The following RIN3 variants were observed in gnomAD, a reference collection of about 807,000 sequenced individuals.
RIN3 encodes the protein RAB5 interacting protein 3.
RIN3 carries 54 observed loss-of-function variants against 76.3 expected under a neutral mutation model. The ratio of observed to expected loss-of-function variants is 0.71; its 90% CI spans 0.57 to 0.89. RIN3 has a LOEUF of 0.89. Ranked by LOEUF, RIN3 falls within the 40% of genes least tolerant of loss-of-function variation. The pLI is 0.00. For synonymous variants in RIN3, 576 were observed against 564.0 expected (o/e 1.02, Z -0.30); for missense variants, 1,256 against 1,322.1 (o/e 0.95, Z 0.78).
Position 92,652,568 on chromosome 14 carries a change from C to A in RIN3, c.1519C>A (p.Gln507Lys). The A allele has an allele frequency of 6.2e-7, 1 of 1,612,830 alleles. No individual in the cohort carries two copies. The highest frequency in any genetic ancestry group is 8.5e-7 in the Non-Finnish European group (1 of 1,179,892). Residue 507 changes from glutamine to lysine, a missense_variant, in exon 6 of 10, where the codon CAG becomes AAG. This residue lies in a region of RIN3 where 428 missense variants were observed against 521.2 expected (regional missense o/e 0.82). Coordinates refer to ENST00000216487, the MANE Select transcript of RIN3 (RefSeq NM_024832.5). This position sits in a 1 kb window ranked among gnomAD's most constrained non-coding sequence, Gnocchi z 6.4. ...CAGAGAGGGCCAAAGCCCTGCTTCT[C>A]AGGCTGGGACTCAGCACCCTCCTGC... ...PPREGQSPAS[Q>K]AGTQHPPAQA...
intron 1 of RIN3, among the ~76,000 whole-genome samples, chr14:92,540,013 G>A (rs1314009054): frequency 1.3e-5 from 2 of 152,226 alleles, no homozygotes; most frequent in Admixed American, 6.5e-5. Context: ...GGCAGGTGGA[G>A]CCCAGTAGGG....
At chr14:92,607,549 C>G (rs1885571245) in intron 3 of RIN3, among the ~76,000 whole-genome samples, 1 of 152,168 alleles carries the variant, frequency 6.6e-6, no homozygotes, top group South Asian at 2.1e-4. Flanking sequence ...GTTGAGGTTG[C>G]AGTGAGCCGT....
intron 4 of RIN3, among the ~76,000 whole-genome samples, chr14:92,628,028 T>A (rs1045546218): frequency 6.6e-6 from 1 of 152,104 alleles, no homozygotes; most frequent in Non-Finnish European, 1.5e-5. Flanking sequence ...GACCACACAA[T>A]CTAGGCTAAT....
chr14:92,530,420 A>G (rs1388766725), intron 1 of RIN3, among the ~76,000 whole-genome samples: 1 of 152,228 alleles, frequency 6.6e-6, no homozygotes, highest in Non-Finnish European at 1.5e-5. Context: ...GCAAATAAAA[A>G]GCAGGGATTT....
intron 7 of RIN3, among the ~76,000 whole-genome samples, chr14:92,667,561 C>T (rs1449897771): frequency 6.6e-6 from 1 of 152,016 alleles, no homozygotes; most frequent in Non-Finnish European, 1.5e-5. Flanking sequence ...CAAAGTCGCT[C>T]ATGTTTATTG....
At chr14:92,664,168 C>T (rs1326969930) in intron 7 of RIN3, among the ~76,000 whole-genome samples, 3 of 152,114 alleles carry the variant, frequency 2.0e-5, no homozygotes, top group Admixed American at 6.5e-5. Flanking sequence ...CCCCAGACAA[C>T]GCTGCTTGTA....
chr14:92,634,817 C>A (rs1886717097), intron 4 of RIN3, among the ~76,000 whole-genome samples: 1 of 150,322 alleles, frequency 6.7e-6, no homozygotes, highest in South Asian at 2.1e-4. Context: ...GAGATCACAC[C>A]ACTGCACTCC....
intron 3 of RIN3, among the ~76,000 whole-genome samples, chr14:92,592,859 A>G (rs1419735832): frequency 6.6e-6 from 1 of 151,802 alleles, no homozygotes; most frequent in East Asian, 1.9e-4. Flanking sequence ...GTGTTTTTAG[A>G]GATGGGGTTT....
At chr14:92,572,391 C>T (rs373293946) in intron 2 of RIN3, among the ~76,000 whole-genome samples, 1 of 152,240 alleles carries the variant, frequency 6.6e-6, no homozygotes, top group Non-Finnish European at 1.5e-5. Context: ...CTTGAGCCCA[C>T]GGGCACAGTT....
At chr14:92,577,511 C>A in intron 3 of RIN3, 34 bp downstream of exon 3, 1 of 1,362,542 alleles carries the variant, frequency 7.3e-7, no homozygotes, top group Non-Finnish European at 1.0e-6. Context: ...TCACTTTGAC[C>A]ACGCGGCAGC....
At chr14:92,553,289 C>T (rs186667309) in intron 1 of RIN3, among the ~76,000 whole-genome samples, 22 of 152,266 alleles carry the variant, frequency 1.4e-4, no homozygotes, top group South Asian at 8.3e-4. Context: ...ATGATTATAG[C>T]GTCTTTTGGT....
rs773207850 is a variant in RIN3, at chr14:92,688,280, C to T, written c.*28C>T. 28 of 1,510,110 alleles carry T rather than the reference C, an allele frequency of 1.9e-5. No homozygotes were observed. Among genetic ancestry groups the T allele is most frequent in the Non-Finnish European group, 2.3e-5 (26 of 1,129,236 alleles). The allele number at this position is 1,510,110 out of a possible 1,614,324, so 93.5% of individuals were successfully genotyped here. ...CCCTCCCGGGGCGCCTCCCCTCACCCCCAGGCGCACGTCTGGCCCCGCCTC... is the reference window on the plus strand; with the variant it reads ...CCCTCCCGGGGCGCCTCCCCTCACCTCCAGGCGCACGTCTGGCCCCGCCTC... On this transcript the variant is annotated 3_prime_UTR_variant, in exon 10 of 10. Transcript: ENST00000216487.
chr14:92,635,094 A>G (rs1886727574), intron 4 of RIN3, among the ~76,000 whole-genome samples: 1 of 152,146 alleles, frequency 6.6e-6, no homozygotes, highest in African/African-American at 2.4e-5. Flanking sequence ...CCAGCACCCT[A>G]TCTGGAGGTT....
At chr14:92,565,507 A>G (rs1897892393) in intron 2 of RIN3, among the ~76,000 whole-genome samples, 2 of 152,214 alleles carry the variant, frequency 1.3e-5, no homozygotes, top group African/African-American at 4.8e-5. Context: ...GAATGAATAT[A>G]CTTAGAGTTA....
At chr14:92,584,226 T>G (rs1046262684) in intron 3 of RIN3, among the ~76,000 whole-genome samples, 2 of 152,214 alleles carry the variant, frequency 1.3e-5, no homozygotes, top group African/African-American at 4.8e-5. Flanking sequence ...TCAGGTGACA[T>G]GCCATCTGAG....
intron 3 of RIN3, among the ~76,000 whole-genome samples, chr14:92,609,764 A>G (rs1456290404): frequency 6.6e-6 from 1 of 152,004 alleles, no homozygotes; most frequent in East Asian, 1.9e-4. Context: ...AAAAATCTTG[A>G]CTGTCTCCGC....
chr14:92,570,837 C>T (rs994700288), intron 2 of RIN3, among the ~76,000 whole-genome samples: 10 of 152,194 alleles, frequency 6.6e-5, no homozygotes, highest in Admixed American at 5.2e-4. Context: ...AGCAGGATGA[C>T]ATTTTCCATA....
At chr14:92,516,772 C>T (rs1169729998) in intron 1 of RIN3, among the ~76,000 whole-genome samples, 4 of 152,140 alleles carry the variant, frequency 2.6e-5, no homozygotes, top group Non-Finnish European at 4.4e-5. Context: ...CCCCTCTATC[C>T]TGGCCCTGGG....
intron 7 of RIN3, among the ~76,000 whole-genome samples, chr14:92,672,669 T>C (rs537141787): frequency 3.9e-5 from 6 of 152,082 alleles, no homozygotes; most frequent in African/African-American, 1.4e-4. Context: ...CATGTGTGTG[T>C]GTGTGTGTGT....
Sources: gnomAD v4.1 joint callset for allele counts (sites outside exome capture counted in the v4.1 genomes callset) on GRCh38, gnomAD v4.1.1 for gene constraint, gnomAD v4.1.1 regional missense constraint, Gnocchi (gnomAD v3.1) non-coding constraint, MANE v1.5 for transcripts, NCBI Gene and HGNC (gene_info 2026-07-23, HGNC 2026-07-21) for gene names.